Variants in EYA2 observed in about 807,000 individuals in gnomAD.
EYA2 encodes the protein EYA transcriptional coactivator and phosphatase 2, also known as protein phosphatase EYA2.
EYA2 carries 31 observed loss-of-function variants against 69.2 expected under a neutral mutation model. The ratio of observed to expected loss-of-function variants is 0.45; its 90% CI spans 0.34 to 0.60. The LOEUF (loss-of-function observed/expected upper bound fraction) is 0.60, where lower values mean the gene tolerates loss of function less well. Ranked by LOEUF, EYA2 falls within the 20% of genes least tolerant of loss-of-function variation. The probability of loss-of-function intolerance (pLI) is 0.02; values close to 1 mark genes in which losing one functional copy is unlikely to be tolerated. For synonymous variants in EYA2, 257 were observed against 279.4 expected (o/e 0.92, Z 0.80); for missense variants, 622 against 701.2 (o/e 0.89, Z 1.28).
intron 9 of EYA2, among the ~76,000 whole-genome samples, chr20:47,120,424 A>C (rs2033015472): frequency 6.6e-6 from 1 of 152,194 alleles, no homozygotes; most frequent in South Asian, 2.1e-4. Context: ...TAAATTTTTT[A>C]AAAAGAAAGA....
intron 5 of EYA2, among the ~76,000 whole-genome samples, chr20:47,037,417 G>T (rs1984783964): frequency 6.6e-6 from 1 of 152,178 alleles, no homozygotes; most frequent in Admixed American, 6.5e-5. Flanking sequence ...GTGTTCATTG[G>T]CATTATTACG....
At chr20:47,032,304 T>C (rs978368940) in intron 5 of EYA2, among the ~76,000 whole-genome samples, 8 of 152,200 alleles carry the variant, frequency 5.3e-5, no homozygotes, top group Non-Finnish European at 1.2e-4. Context: ...ATTTTTGTAT[T>C]ATTTCCCATT....
intron 7 of EYA2, among the ~76,000 whole-genome samples, chr20:47,076,920 T>A (rs963052081): frequency 1.3e-5 from 2 of 152,136 alleles, no homozygotes; most frequent in Non-Finnish European, 2.9e-5. Flanking sequence ...CCTGCAAAAG[T>A]CCCAAGTAAA....
intron 5 of EYA2, among the ~76,000 whole-genome samples, chr20:47,036,513 A>C (rs1984720687): frequency 6.6e-6 from 1 of 152,202 alleles, no homozygotes; most frequent in East Asian, 1.9e-4. Context: ...AGATTTGGCA[A>C]TACAGGGACT....
chr20:47,043,666 G>T (rs1287979497), intron 5 of EYA2, among the ~76,000 whole-genome samples: 3 of 151,812 alleles, frequency 2.0e-5, no homozygotes, highest in African/African-American at 7.3e-5. Context: ...TATAAAATGG[G>T]CTGATGATAA....
intron 5 of EYA2, among the ~76,000 whole-genome samples, chr20:47,070,472 C>T (rs896517255): frequency 6.6e-6 from 1 of 152,222 alleles, no homozygotes; most frequent in Non-Finnish European, 1.5e-5. Flanking sequence ...CTTAGGAAAA[C>T]AGTTTGGCCA....
chr20:46,977,127 C>CA (rs1980511505), intron 1 of EYA2, among the ~76,000 whole-genome samples: 1 of 152,182 alleles, frequency 6.6e-6, no homozygotes, highest in Non-Finnish European at 1.5e-5. Context: ...AACACATTCA[C>CA]AAAACACATT....
intron 3 of EYA2, among the ~76,000 whole-genome samples, chr20:47,003,401 T>C (rs1982496869): frequency 6.6e-6 from 1 of 152,240 alleles, no homozygotes; most frequent in Non-Finnish European, 1.5e-5. Context: ...GAAGTGGCCC[T>C]TGTAGGCATT....
chr20:47,052,340 G>T (rs2030383003), intron 5 of EYA2, among the ~76,000 whole-genome samples: 1 of 152,204 alleles, frequency 6.6e-6, no homozygotes, highest in Non-Finnish European at 1.5e-5. Context: ...AAATGAGGAG[G>T]AGGAGGAGAA....
At chr20:47,181,363 T>G (rs1193836176) in intron 14 of EYA2, among the ~76,000 whole-genome samples, 3 of 152,186 alleles carry the variant, frequency 2.0e-5, no homozygotes, top group African/African-American at 7.2e-5. Context: ...TTCTCATGTA[T>G]GGGGTCAAAT....
chr20:47,185,276 C>CTTTTTTTTTTTTTTTTTT lies in EYA2; in HGVS notation c.1536+1910_1536+1927dup, dbSNP rs765083065. ...CTCTCCCAGAAAAATGAATCACACT[C>CTTTTTTTTTTTTTTTTTT]TTTTTTTTTTTTTTTTTTTTTTTTT... On this transcript the variant is annotated intron_variant, in intron 15 of 15. Transcript: ENST00000327619. 5.4e-5 allele frequency among the ~76,000 whole-genome samples: 3 copies of CTTTTTTTTTTTTTTTTTT among 55,932 alleles called. 1 individual carries two copies. The highest frequency in any genetic ancestry group is 7.4e-5 in the African/African-American group (1 of 13,480). 36.7% of individuals were successfully genotyped at this position (55,932 alleles called of 152,430 possible).
chr20:47,039,811 T>C (rs1024650715), intron 5 of EYA2, among the ~76,000 whole-genome samples: 2 of 148,262 alleles, frequency 1.3e-5, no homozygotes, highest in African/African-American at 4.9e-5. Flanking sequence ...CTTCATCTCA[T>C]AGGGTCATTG....
At chr20:47,047,907 C>T (rs1431747820) in intron 5 of EYA2, among the ~76,000 whole-genome samples, 1 of 150,594 alleles carries the variant, frequency 6.6e-6, no homozygotes, top group African/African-American at 2.5e-5. Flanking sequence ...CTTGTAGCCT[C>T]TTTCTCCATC....
chr20:47,130,256 A>ATTTTTTTTTTTTTTTT (rs1392782309), intron 9 of EYA2, among the ~76,000 whole-genome samples: 2 of 69,768 alleles, frequency 2.9e-5, no homozygotes, highest in African/African-American at 1.5e-4. Flanking sequence ...AAGAAGGTTT[A>ATTTTTTTTTTTTTTTT]TTTTCTTTTT....
chr20:47,026,801 A>G (rs1039384443), intron 5 of EYA2, among the ~76,000 whole-genome samples: 3 of 152,236 alleles, frequency 2.0e-5, no homozygotes, highest in African/African-American at 7.2e-5. Flanking sequence ...ACTTGGCTTC[A>G]GCCCATTGCT....
rs1246464578 is a variant in EYA2, at chr20:47,074,192, A to G, written c.518A>G (p.Gln173Arg). The G allele has an allele frequency of 2.5e-6, 4 of 1,613,352 alleles. No homozygotes were observed. The highest frequency in any genetic ancestry group is 1.1e-5 in the South Asian group (1 of 90,944). Residue 173 changes from glutamine to arginine, a missense_variant, in exon 7 of 16, where the codon CAG (glutamine) becomes CGG (arginine). By Grantham distance (43) the Gln-to-Arg change is conservative (BLOSUM62 1). Transcript: ENST00000327619. ...TCCTACCCCGGCTTCCCCCAGAGCCAGTACCCCCAGTATTACGGCTCATCC... is the reference window on the plus strand; with the variant it reads ...TCCTACCCCGGCTTCCCCCAGAGCCGGTACCCCCAGTATTACGGCTCATCC... ...YPSYPGFPQS[Q>R]YPQYYGSSYN...
chr20:46,978,544 G>A (rs1238097777), intron 1 of EYA2: 5 of 534,654 alleles, frequency 9.4e-6, no homozygotes, highest in Non-Finnish European at 1.9e-5. Context: ...TCAGATATTG[G>A]ACAAGGAGAA....
intron 5 of EYA2, among the ~76,000 whole-genome samples, chr20:47,069,332 A>G (rs1330235135): frequency 2.0e-5 from 3 of 152,136 alleles, no homozygotes; most frequent in Non-Finnish European, 4.4e-5. Context: ...CATCTCTACT[A>G]AAAATACAAA....
intron 5 of EYA2, among the ~76,000 whole-genome samples, chr20:47,036,218 G>C (rs1046114845): frequency 1.3e-5 from 2 of 152,190 alleles, no homozygotes; most frequent in African/African-American, 4.8e-5. Context: ...GCCGGGACTA[G>C]CATGAAGTAA....
Sources: allele counts gnomAD v4.1 joint callset (sites outside exome capture counted in the v4.1 genomes callset), GRCh38; gene constraint gnomAD v4.1.1; transcripts MANE v1.5; gene names NCBI Gene and HGNC (gene_info 2026-07-23, HGNC 2026-07-21).